SLC7A2: variants seen among roughly 807,000 people sequenced by gnomAD.
SLC7A2 encodes solute carrier family 7 member 2.
Under a neutral mutation model 58.9 loss-of-function variants are expected in SLC7A2, and 48 were observed. The ratio of observed to expected loss-of-function variants is 0.82; its 90% CI spans 0.65 to 1.04. The LOEUF (loss-of-function observed/expected upper bound fraction) is 1.04, where lower values mean the gene tolerates loss of function less well. Ranked by LOEUF, SLC7A2 falls within the 50% of genes least tolerant of loss-of-function variation. The pLI is 0.00. For synonymous variants in SLC7A2, 363 were observed against 314.5 expected (o/e 1.15, Z -1.63); for missense variants, 1,029 against 818.8 (o/e 1.26, Z -3.13).
At chr8:17,552,874 AT>A (rs1403531913) in intron 7 of SLC7A2, among the ~76,000 whole-genome samples, 3 of 152,236 alleles carry the variant, frequency 2.0e-5, no homozygotes, top group Admixed American at 6.5e-5. Context: ...TTTTTGGCAG[AT>A]TAGTAATTTT....
intron 2 of SLC7A2, among the ~76,000 whole-genome samples, chr8:17,530,642 G>T (rs764286377): frequency 6.0e-5 from 9 of 150,550 alleles, no homozygotes; most frequent in African/African-American, 2.0e-4. Flanking sequence ...GTGCAATCTC[G>T]ACTCACTGCA....
intron 2 of SLC7A2, among the ~76,000 whole-genome samples, chr8:17,527,990 A>G (rs752775399): frequency 1.3e-5 from 2 of 152,132 alleles, no homozygotes; most frequent in African/African-American, 2.4e-5. Context: ...AATTTAGCTC[A>G]AGGGAGTGTC....
intron 2 of SLC7A2, among the ~76,000 whole-genome samples, chr8:17,522,725 T>C (rs2588216): frequency 2.6e-5 from 4 of 151,848 alleles, no homozygotes; most frequent in African/African-American, 9.7e-5. Flanking sequence ...TTGTGACTTC[T>C]AGGAAGTACA....
At chr8:17,549,634 C>A (rs901582172) in intron 5 of SLC7A2, among the ~76,000 whole-genome samples, 4 of 152,100 alleles carry the variant, frequency 2.6e-5, no homozygotes, top group African/African-American at 9.7e-5. Flanking sequence ...AATCTTCAGA[C>A]CTTGTTTTTT....
Position 17,558,325 on chromosome 8 carries a change from C to A in SLC7A2, c.1226C>A (p.Ala409Glu). The A allele has an allele frequency of 1.9e-6, 3 of 1,613,252 alleles. No individual in the cohort carries two copies. The highest frequency in any genetic ancestry group is 2.5e-6 in the Non-Finnish European group (3 of 1,179,588). Residue 409 changes from alanine (A) to glutamate (E), a missense_variant, in exon 9 of 13, where the codon GCG becomes GAG. By Grantham distance (107) the Ala-to-Glu change is moderately radical (BLOSUM62 -1). Coordinates refer to ENST00000494857, the MANE Select transcript of SLC7A2 (RefSeq NM_001370338.1). ...ATGGCCTTTCTGTTTGACCTGAAGG[C>A]GCTTGTGGACATGATGTCCATTGGC... ...ALMAFLFDLK[A>E]LVDMMSIGTL...
chr8:17,537,244 A>T (rs2006214), intron 2 of SLC7A2, among the ~76,000 whole-genome samples: 51,645 of 151,690 alleles, frequency 0.34, 10,959 homozygotes, highest in Admixed American at 0.48. Context: ...TTTAGTAGAG[A>T]TGGGGTTTCA....
At chr8:17,545,330 C>A (rs978824073) in intron 4 of SLC7A2, among the ~76,000 whole-genome samples, 2 of 150,706 alleles carry the variant, frequency 1.3e-5, no homozygotes, top group African/African-American at 2.4e-5. Context: ...CACGTGGTGG[C>A]TGATTTTATT....
intron 2 of SLC7A2, among the ~76,000 whole-genome samples, chr8:17,534,482 G>C (rs780038376): frequency 5.3e-5 from 8 of 152,120 alleles, no homozygotes; most frequent in Non-Finnish European, 8.8e-5. Flanking sequence ...GCATTGCCAA[G>C]ACTCAGAGAT....
At chr8:17,524,787 A>G (rs981128394) in intron 2 of SLC7A2, among the ~76,000 whole-genome samples, 1 of 151,868 alleles carries the variant, frequency 6.6e-6, no homozygotes, top group African/African-American at 2.4e-5. Flanking sequence ...TGACTTCCGC[A>G]TCTAATCCTG....
At chr8:17,520,633 T>C (rs1159574758) in intron 2 of SLC7A2, 1 of 164,196 alleles carries the variant, frequency 6.1e-6, no homozygotes, top group Admixed American at 1.5e-4. Context: ...AGAGTGAGAC[T>C]CTGTCTTTAA....
At chr8:17,564,152 G>A (rs1803155615) in intron 12 of SLC7A2, among the ~76,000 whole-genome samples, 1 of 152,152 alleles carries the variant, frequency 6.6e-6, no homozygotes, top group Admixed American at 6.6e-5. Flanking sequence ...TGGTGACAGT[G>A]ACACGTGTAA....
chr8:17,508,072 G>C (rs116577364), intron 2 of SLC7A2, among the ~76,000 whole-genome samples: 2,749 of 151,182 alleles, frequency 0.018, 51 homozygotes, highest in African/African-American at 0.055. Flanking sequence ...TCTGTTTGGA[G>C]TGCTATTGTG....
At chr8:17,495,760 G>C (rs1269457135), upstream of SLC7A2, among the ~76,000 whole-genome samples, 3 of 152,172 alleles carry the variant, frequency 2.0e-5, no homozygotes, top group Non-Finnish European at 4.4e-5. Context: ...CTGTTGGCCA[G>C]ACTGGTCTCG....
At chr8:17,555,158 G>T (rs937321813) in intron 8 of SLC7A2, 11 of 1,381,744 alleles carry the variant, frequency 8.0e-6, no homozygotes, top group African/African-American at 1.4e-5. Flanking sequence ...TATAAAGAGG[G>T]TCTGCATGCT....
rs1173820296 is a variant in SLC7A2, at chr8:17,505,519, A to C, written c.-23+3217A>C. On this transcript the variant is annotated intron_variant, in intron 2 of 12. Transcript: ENST00000494857. The stretch of plus-strand genomic sequence containing the variant: ...GATGCTGTTCCCTGGCCTCAAGGGT[A>C]TACTTGACTTCAGTGATCTCCAGCC... Among the ~76,000 whole-genome samples the C allele has an allele frequency of 2.6e-5, 4 of 152,266 alleles. No homozygotes were observed. The East Asian group carries it at 7.7e-4, about 29-fold the overall frequency.
Position 17,524,705 on chromosome 8 carries a change from G to C in SLC7A2, c.-22-18613G>C, listed in dbSNP as rs561857439. 3.0e-4 allele frequency among the ~76,000 whole-genome samples: 46 copies of C among 152,246 alleles called. 1 individual carries two copies. In the South Asian group the frequency reaches 9.1e-3, roughly 30 times the overall value. ...GATAAAAGACTACACACTGGGTACA[G>C]GGTACACTGCTCGGGTGATGGGTGC... is the stretch of plus-strand genomic sequence containing the variant. On this transcript the variant is annotated intron_variant, in intron 2 of 12. Coordinates refer to ENST00000494857, the MANE Select transcript of SLC7A2 (RefSeq NM_001370338.1).
chr8:17,555,242 T>C (rs553551004), intron 8 of SLC7A2, among the ~76,000 whole-genome samples: 240 of 152,194 alleles, frequency 1.6e-3, no homozygotes, highest in Admixed American at 2.2e-3. Context: ...CATGTGAAAA[T>C]TGTGGTGGCG....
chr8:17,552,124 T>A (rs1220424547), intron 7 of SLC7A2, 138 bp downstream of exon 7: 1 of 657,648 alleles, frequency 1.5e-6, no homozygotes, highest in African/African-American at 1.8e-5. Context: ...ATTGATTGGC[T>A]TGCTCAGAAT....
chr8:17,505,650 G>A (rs746031330), intron 2 of SLC7A2, among the ~76,000 whole-genome samples: 6 of 152,110 alleles, frequency 3.9e-5, no homozygotes, highest in Middle Eastern at 3.2e-3. Flanking sequence ...TTTAAACTGA[G>A]TATTTGTAAA....
Sources: gnomAD v4.1 joint callset for allele counts (sites outside exome capture counted in the v4.1 genomes callset) on GRCh38, gnomAD v4.1.1 for gene constraint, MANE v1.5 for transcripts, NCBI Gene and HGNC (gene_info 2026-07-23, HGNC 2026-07-21) for gene names.